The following TARS3 variants were observed in gnomAD, a reference collection of about 807,000 sequenced individuals.
TARS3 encodes threonyl-tRNA synthetase 3.
TARS3 carries 94 observed loss-of-function variants against 103.5 expected under a neutral mutation model. The ratio of observed to expected loss-of-function variants is 0.91; its 90% CI spans 0.77 to 1.08. TARS3 has a LOEUF of 1.08. Ranked by LOEUF, TARS3 falls within the 50% of genes least tolerant of loss-of-function variation. The pLI, the probability that TARS3 is intolerant of heterozygous loss-of-function variation, is 0.00. For synonymous variants in TARS3, 416 were observed against 355.4 expected (o/e 1.17, Z -1.92); for missense variants, 952 against 995.2 (o/e 0.96, Z 0.58).
intron 17 of TARS3, among the ~76,000 whole-genome samples, chr15:101,657,540 G>A (rs1055787849): frequency 6.6e-6 from 1 of 152,214 alleles, no homozygotes; most frequent in African/African-American, 2.4e-5. Flanking sequence ...CCCTAATAGA[G>A]CTGTGTAGAA....
chr15:101,709,161 C>G (rs1431066780), intron 5 of TARS3, among the ~76,000 whole-genome samples: 1 of 152,172 alleles, frequency 6.6e-6, no homozygotes, highest in Non-Finnish European at 1.5e-5. Flanking sequence ...TAGGAGACAC[C>G]CAGGTGGACT....
chr15:101,709,786 G>A (rs752980577), intron 5 of TARS3, among the ~76,000 whole-genome samples: 3 of 152,224 alleles, frequency 2.0e-5, no homozygotes, highest in Admixed American at 1.3e-4. Flanking sequence ...CTTGTTGAAC[G>A]AATACTGGAG....
intron 5 of TARS3, among the ~76,000 whole-genome samples, chr15:101,710,944 T>C (rs1333325088): frequency 3.3e-5 from 5 of 152,084 alleles, no homozygotes; most frequent in Non-Finnish European, 7.4e-5. Flanking sequence ...GTTGTGGCAG[T>C]TGGAGGTACC....
At chr15:101,709,849 C>T (rs1899770623) in intron 5 of TARS3, among the ~76,000 whole-genome samples, 1 of 152,186 alleles carries the variant, frequency 6.6e-6, no homozygotes, top group South Asian at 2.1e-4. Flanking sequence ...GTAAGAAACA[C>T]AAATTTGGTC....
intron 7 of TARS3, among the ~76,000 whole-genome samples, chr15:101,704,660 A>AT: frequency 6.9e-6 from 1 of 144,320 alleles, no homozygotes; most frequent in Non-Finnish European, 1.6e-5. Context: ...ATCTCAAAAA[A>AT]TTAAAAAAAA....
chr15:101,707,412 T>C (rs1037793179), intron 6 of TARS3, among the ~76,000 whole-genome samples: 5 of 152,178 alleles, frequency 3.3e-5, no homozygotes, highest in East Asian at 3.8e-4. Flanking sequence ...CTGTTCACAA[T>C]AGTAGCCAAA....
intron 18 of TARS3, chr15:101,656,030 A>G: frequency 3.1e-6 from 4 of 1,289,244 alleles, no homozygotes; most frequent in Non-Finnish European, 4.0e-6. Flanking sequence ...TCTGCAGATA[A>G]GTGGAATAAG....
chr15:101,724,470 A>T lies in TARS3; in HGVS notation c.-83T>A. 1 of 1,326,398 alleles carries T rather than the reference A, an allele frequency of 7.5e-7. No homozygotes were observed. Among genetic ancestry groups the T allele is most frequent in the South Asian group, 2.0e-5 (1 of 51,082 alleles). 82.2% of individuals were successfully genotyped at this position (1,326,398 alleles called of 1,614,324 possible). On this transcript the variant is annotated 5_prime_UTR_variant, in exon 1 of 19. Transcript: ENST00000335968. Reference sequence around the variant, plus strand: ...ACGCGGACACTCAGCGCACGGCAGAAGACAGGGCTCCCGGGAGGGGCGGGG... The same window carrying T: ...ACGCGGACACTCAGCGCACGGCAGATGACAGGGCTCCCGGGAGGGGCGGGG...
At chr15:101,668,511 G>C (rs1040907356) in intron 15 of TARS3, among the ~76,000 whole-genome samples, 6 of 152,212 alleles carry the variant, frequency 3.9e-5, no homozygotes, top group Admixed American at 1.3e-4. Context: ...TAATGAAAAA[G>C]CTTGAAATAC....
chr15:101,695,326 T>A (rs1898918166), intron 10 of TARS3, among the ~76,000 whole-genome samples: 1 of 152,126 alleles, frequency 6.6e-6, no homozygotes, highest in African/African-American at 2.4e-5. Context: ...GTTTTGGCAT[T>A]TCTGAAATGT....
At position 101,675,723 on chromosome 15, in the gene TARS3, T is replaced by C. The variant is rs1295083249; in HGVS notation, c.1665A>G (p.Ile555Met). The C allele has an allele frequency of 1.2e-6, 2 of 1,610,186 alleles. No homozygotes were observed. The highest frequency in any genetic ancestry group is 1.7e-6 in the Non-Finnish European group (2 of 1,179,046). Residue 555 changes from isoleucine (I) to methionine (M), a missense_variant, in exon 13 of 19, where the codon ATA (isoleucine) becomes ATG (methionine). Coordinates refer to ENST00000335968, the MANE Select transcript of TARS3 (RefSeq NM_152334.3). ...ATTGCAAAAACTGCAAACACCCCTT[T>C]ATTTCTTCTTCAATCTGAAATCAAA... The part of the protein sequence containing the change: ...FCTVEQIEEE[I>M]KGCLQFLQSV...
chr15:101,678,681 T>C (rs1345969314), intron 12 of TARS3, among the ~76,000 whole-genome samples: 1 of 152,364 alleles, frequency 6.6e-6, no homozygotes, highest in East Asian at 1.9e-4. Flanking sequence ...GAACATGTGA[T>C]TTTTACTTCA....
chr15:101,665,511 G>A (rs532941071), intron 15 of TARS3, among the ~76,000 whole-genome samples: 2 of 152,178 alleles, frequency 1.3e-5, no homozygotes, highest in Non-Finnish European at 2.9e-5. Context: ...TCATCTCAGC[G>A]TGTAGTGGCA....
intron 5 of TARS3, among the ~76,000 whole-genome samples, chr15:101,710,711 G>A (rs1899819867): frequency 6.6e-6 from 1 of 152,186 alleles, no homozygotes; most frequent in South Asian, 2.1e-4. Context: ...TTGGGTGCTC[G>A]GTTGGGGAGG....
intron 6 of TARS3, among the ~76,000 whole-genome samples, chr15:101,707,946 C>G (rs1414296980): frequency 1.3e-5 from 2 of 152,134 alleles, no homozygotes; most frequent in African/African-American, 2.4e-5. Flanking sequence ...ACTGTGTTTT[C>G]AAAGTACATG....
intron 10 of TARS3, chr15:101,699,315 C>T (rs953545834): frequency 1.1e-5 from 5 of 441,818 alleles, no homozygotes; most frequent in Non-Finnish European, 1.8e-5. Context: ...GGACCCTTCC[C>T]AACCAGTGCC....
At chr15:101,657,135 T>G in intron 17 of TARS3, 99 bp from the exon 18 acceptor site, 1 of 736,822 alleles carries the variant, frequency 1.4e-6, no homozygotes, top group Non-Finnish European at 2.3e-6. Flanking sequence ...CTTTGTATAG[T>G]TCCCTGCTCA....
chr15:101,703,365 G>A (rs11247318), intron 8 of TARS3, among the ~76,000 whole-genome samples: 61,478 of 152,018 alleles, frequency 0.4, 13,572 homozygotes, highest in East Asian at 0.81. Flanking sequence ...TGAGGCAGGC[G>A]GATCACCTGA....
chr15:101,657,201 G>A lies in TARS3; in HGVS notation c.2146-165C>T, dbSNP rs561490540. On this transcript the variant is annotated intron_variant, in intron 17 of 18. Coordinates refer to ENST00000335968, the MANE Select transcript of TARS3 (RefSeq NM_152334.3). ...AGAAGTGCGGAAGTGTCGGCGCATC[G>A]TTTCTGAGACTAGTTTATAAAAGGC... is the stretch of plus-strand genomic sequence containing the variant. 3.9e-5 allele frequency among the ~76,000 whole-genome samples: 6 copies of A among 152,338 alleles called. No homozygotes were observed. In the East Asian group the frequency reaches 5.8e-4, roughly 15 times the overall value.
Sources: gnomAD v4.1 joint callset for allele counts (sites outside exome capture counted in the v4.1 genomes callset) on GRCh38, gnomAD v4.1.1 for gene constraint, MANE v1.5 for transcripts, NCBI Gene and HGNC (gene_info 2026-07-23, HGNC 2026-07-21) for gene names.